TSPAN8: variants seen among roughly 807,000 people sequenced by gnomAD.
The protein encoded by TSPAN8 is tetraspanin 8, also known as tetraspanin-8.
In TSPAN8, 21 loss-of-function variants were observed where a neutral mutation model predicts 32.8. The ratio of observed to expected loss-of-function variants is 0.64; its 90% CI spans 0.45 to 0.92. TSPAN8 has a LOEUF of 0.92. Among genes scored for constraint, TSPAN8 ranks in the 40% least tolerant of loss-of-function variants. TSPAN8 has a pLI of 0.00. For missense variants in TSPAN8, 269 were observed against 281.9 expected, an observed-to-expected ratio of 0.95 and a Z score of 0.33; for synonymous variants, 95 against 94.6, an observed-to-expected ratio of 1.00 and a Z score of -0.03.
At chr12:71,153,511 G>A (rs547006832) in intron 2 of TSPAN8, among the ~76,000 whole-genome samples, 4 of 152,216 alleles carry the variant, frequency 2.6e-5, no homozygotes, top group South Asian at 2.1e-4. Flanking sequence ...TTTTAACATC[G>A]GCTCTACTTT....
At chr12:71,150,077 G>C (rs909329010) in intron 2 of TSPAN8, among the ~76,000 whole-genome samples, 2 of 152,194 alleles carry the variant, frequency 1.3e-5, no homozygotes, top group African/African-American at 4.8e-5. Context: ...ATGTGGTTGA[G>C]ATAAGGACTG....
At chr12:71,136,880 A>G (rs1390840780) in intron 6 of TSPAN8, among the ~76,000 whole-genome samples, 1 of 152,220 alleles carries the variant, frequency 6.6e-6, no homozygotes, top group Non-Finnish European at 1.5e-5. Flanking sequence ...TGTTGTGGGT[A>G]TTAAATGAGC....
intron 4 of TSPAN8, 112 bp from the exon 5 acceptor site, chr12:71,138,342 T>G: frequency 1.0e-6 from 1 of 997,402 alleles, no homozygotes; most frequent in South Asian, 1.7e-5. Context: ...AGTGAGAGTG[T>G]CAGTCACACT....
chr12:71,157,745 A>G lies in TSPAN8; in HGVS notation c.-67T>C, dbSNP rs1872493007. 2 of 1,294,862 alleles carry G rather than the reference A, an allele frequency of 1.5e-6. No homozygotes were observed. Among genetic ancestry groups the G allele is most frequent in the South Asian group, 1.2e-5 (1 of 84,074 alleles). 80.2% of individuals were successfully genotyped at this position (1,294,862 alleles called of 1,614,324 possible). On this transcript the variant is annotated 5_prime_UTR_variant, in exon 2 of 9. Coordinates refer to ENST00000247829, the MANE Select transcript of TSPAN8 (RefSeq NM_004616.3). ...ATTCGTTACAGGCTTGTCCTGCAAT[A>G]TGCTCTGGAGCAACTTGCCTGCAGA...
At chr12:71,150,631 G>A (rs546602688) in intron 2 of TSPAN8, among the ~76,000 whole-genome samples, 13 of 152,262 alleles carry the variant, frequency 8.5e-5, no homozygotes, top group East Asian at 5.8e-4. Context: ...CTGGGGGCAC[G>A]TTCCCCCAAT....
At chr12:71,151,206 G>A (rs1218817448) in intron 2 of TSPAN8, among the ~76,000 whole-genome samples, 2 of 151,990 alleles carry the variant, frequency 1.3e-5, no homozygotes, top group African/African-American at 4.8e-5. Flanking sequence ...TAGGACTACA[G>A]GTGTCAGCCA....
At chr12:71,131,078 C>A (rs3844207) in intron 7 of TSPAN8, among the ~76,000 whole-genome samples, 2 of 151,906 alleles carry the variant, frequency 1.3e-5, no homozygotes, top group Non-Finnish European at 2.9e-5. Flanking sequence ...AAACATCTTT[C>A]AGTTGAATTT....
intron 8 of TSPAN8, among the ~76,000 whole-genome samples, chr12:71,127,784 A>G (rs545381393): frequency 6.6e-6 from 1 of 152,242 alleles, no homozygotes; most frequent in East Asian, 1.9e-4. Context: ...AACCTCCCCA[A>G]TCAAGTATGT....
chr12:71,136,856 C>A (rs1397559), intron 6 of TSPAN8, among the ~76,000 whole-genome samples: 1 of 152,070 alleles, frequency 6.6e-6, no homozygotes, highest in Admixed American at 6.5e-5. Flanking sequence ...AATGATATTA[C>A]CCATCCACAG....
Position 71,139,712 on chromosome 12 carries a change from A to T in TSPAN8, c.260T>A (p.Leu87Ter). The T allele has an allele frequency of 6.2e-7, 1 of 1,613,454 alleles. No individual in the cohort carries two copies. Among genetic ancestry groups the T allele is most frequent in the Non-Finnish European group, 8.5e-7 (1 of 1,179,596 alleles). The change falls in exon 4 of 9, where the codon TTG becomes TAG. Residue 87 changes from leucine to a stop codon, truncating the protein, a stop_gained and splice_region_variant. Transcript: ENST00000247829. LOFTEE classifies it high-confidence loss of function. ...CTGGGATTTGTTTGGAGAACTCACC[A>T]ACAGAAGCATGCAGCGACTTTCTTT... Reference protein sequence around the residue: ...AIKESRCMLLLFFIGLLLILL... With the variant: ...AIKESRCMLL
chr12:71,154,245 G>A (rs1469003895), intron 2 of TSPAN8, among the ~76,000 whole-genome samples: 1 of 151,642 alleles, frequency 6.6e-6, no homozygotes, highest in Non-Finnish European at 1.5e-5. Context: ...GGGAAGCAGA[G>A]GCTGCAGTGA....
intron 2 of TSPAN8, among the ~76,000 whole-genome samples, chr12:71,156,269 C>CAA (rs1287011627): frequency 1.2e-4 from 4 of 32,516 alleles, no homozygotes; most frequent in African/African-American, 5.0e-4. Context: ...AAAAAAAAAA[C>CAA]AAACAAAAAA....
At chr12:71,140,782 C>G (rs181726463) in intron 3 of TSPAN8, among the ~76,000 whole-genome samples, 1 of 152,208 alleles carries the variant, frequency 6.6e-6, no homozygotes, top group South Asian at 2.1e-4. Flanking sequence ...AAGCCTTGTG[C>G]GTGTCTTATG....
At position 71,138,189 on chromosome 12, in the gene TSPAN8, C is replaced by T. The variant is rs530158618; in HGVS notation, c.303G>A (p.Ala101=). The change falls in exon 5 of 9, where the codon GCG becomes GCA. Residue 101 remains alanine, a synonymous_variant. Coordinates refer to ENST00000247829, the MANE Select transcript of TSPAN8 (RefSeq NM_004616.3). ...TGAAAACAGCTCCTAGGATACCTGT[C>T]GCCACCTGCAGGAGCAGGATCAGAA... is the stretch of plus-strand genomic sequence containing the variant. ...GLLLILLLQV[A]TGILGAVFKS... The T allele has an allele frequency of 1.2e-5, 20 of 1,613,800 alleles. No individual in the cohort carries two copies. The highest frequency in any genetic ancestry group is 8.9e-5 in the East Asian group (4 of 44,878).
At chr12:71,144,127 G>A (rs773466655) in intron 3 of TSPAN8, 24 bp downstream of exon 3, 1 of 1,599,948 alleles carries the variant, frequency 6.3e-7, no homozygotes, top group Non-Finnish European at 8.5e-7. Flanking sequence ...TTGGGGAAAG[G>A]GTGACTTGTT....
intron 6 of TSPAN8, among the ~76,000 whole-genome samples, chr12:71,134,937 A>G (rs1214200207): frequency 2.6e-5 from 4 of 152,190 alleles, no homozygotes; most frequent in Non-Finnish European, 5.9e-5. Flanking sequence ...TGGATGAAAA[A>G]GGCAGTAGGC....
intron 6 of TSPAN8, among the ~76,000 whole-genome samples, chr12:71,136,218 A>G (rs548145365): frequency 6.6e-6 from 1 of 152,320 alleles, no homozygotes; most frequent in South Asian, 2.1e-4. Context: ...AAAAGCATCA[A>G]TAATTTTTTT....
At chr12:71,139,580 C>T in intron 4 of TSPAN8, 131 bp downstream of exon 4, 1 of 1,269,056 alleles carries the variant, frequency 7.9e-7, no homozygotes, top group Non-Finnish European at 1.1e-6. Flanking sequence ...CTTCCACAAT[C>T]AAACCTTCTA....
intron 7 of TSPAN8, among the ~76,000 whole-genome samples, chr12:71,130,368 T>C (rs1036503092): frequency 6.6e-6 from 1 of 152,182 alleles, no homozygotes; most frequent in African/African-American, 2.4e-5. Context: ...AAAGAGAAAT[T>C]AGGAAGTTGC....
Sources: allele counts gnomAD v4.1 joint callset (sites outside exome capture counted in the v4.1 genomes callset), GRCh38; gene constraint gnomAD v4.1.1; transcripts MANE v1.5; gene names NCBI Gene and HGNC (gene_info 2026-07-23, HGNC 2026-07-21).